Variants in NTM observed in about 807,000 individuals in gnomAD.
NTM encodes neurotrimin.
Under a neutral mutation model 42.1 loss-of-function variants are expected in NTM, and 13 were observed. That is an observed-to-expected ratio of 0.31 (90% CI 0.20 to 0.49). The LOEUF is 0.49. Among genes scored for constraint, NTM ranks in the 20% least tolerant of loss-of-function variants. NTM has a pLI of 0.99. For missense variants in NTM, 373 were observed against 452.8 expected, an observed-to-expected ratio of 0.82 and a Z score of 1.60; for synonymous variants, 187 against 179.2, an observed-to-expected ratio of 1.04 and a Z score of -0.35.
Position 132,002,509 on chromosome 11 carries a change from C to G in NTM, c.167+90861C>G, listed in dbSNP as rs1488063714. On this transcript the variant is annotated intron_variant, in intron 2 of 8. Transcript: ENST00000683400. This position sits in a 1 kb window ranked among gnomAD's most constrained non-coding sequence, Gnocchi z 4.5. ...TCATCATAAGCAAATACAATTACTA[C>G]TCTGCAAATACTATGTAGAAGAATG... Among the ~76,000 whole-genome samples, 2 of 152,182 alleles carry G rather than the reference C, an allele frequency of 1.3e-5. No homozygotes were observed. The highest frequency in any genetic ancestry group is 3.8e-4 in the East Asian group (2 of 5,200).
intron 1 of NTM, among the ~76,000 whole-genome samples, chr11:131,380,872 A>G (rs1258973759): frequency 6.6e-6 from 1 of 152,230 alleles, no homozygotes; most frequent in Admixed American, 6.5e-5. Flanking sequence ...GCCTGACCTC[A>G]GAACTTACCC....
chr11:132,150,055 GC>G lies in NTM; in HGVS notation c.400+3543del. On this transcript the variant is annotated intron_variant, in intron 3 of 8. Coordinates refer to ENST00000683400, the MANE Select transcript of NTM (RefSeq NM_001352005.2). ...GGTTTATTTGGCTCATGGTTCTGCAGCCTGTACAAGCACAGCACCAACATTT... is the reference window on the plus strand; with the variant it reads ...GGTTTATTTGGCTCATGGTTCTGCAGCTGTACAAGCACAGCACCAACATTT... Among the ~76,000 whole-genome samples the G allele has an allele frequency of 2.0e-5, 3 of 152,274 alleles. No individual in the cohort carries two copies. The East Asian group carries it at 5.8e-4, about 29-fold the overall frequency.
intron 1 of NTM, chr11:131,911,317 G>C: frequency 4.1e-6 from 6 of 1,454,714 alleles, no homozygotes; most frequent in South Asian, 1.4e-5. Context: ...AGGAATATTA[G>C]ACTCGGAGGA....
intron 1 of NTM, among the ~76,000 whole-genome samples, chr11:131,593,889 G>A (rs1372098106): frequency 6.6e-6 from 1 of 152,132 alleles, no homozygotes; most frequent in Non-Finnish European, 1.5e-5. Context: ...TGAAAGCAAG[G>A]CCTGTATTTC....
intron 2 of NTM, among the ~76,000 whole-genome samples, chr11:132,062,716 T>C (rs1274598999): frequency 6.6e-6 from 1 of 152,340 alleles, no homozygotes; most frequent in South Asian, 2.1e-4. Context: ...ATTAGCTCTT[T>C]GGAATAGTTA....
intron 1 of NTM, among the ~76,000 whole-genome samples, chr11:131,550,553 C>A (rs1211474733): frequency 6.6e-6 from 1 of 152,188 alleles, no homozygotes; most frequent in African/African-American, 2.4e-5. Context: ...GCAAGACCTG[C>A]CTTCTTCCCC....
intron 2 of NTM, among the ~76,000 whole-genome samples, chr11:131,970,190 C>A (rs1328808025): frequency 6.6e-6 from 1 of 152,194 alleles, no homozygotes; most frequent in Admixed American, 6.5e-5. Flanking sequence ...TCATAATTGT[C>A]CTCATGCATC....
At chr11:131,812,506 CT>C (rs2092779476) in intron 1 of NTM, among the ~76,000 whole-genome samples, 1 of 151,880 alleles carries the variant, frequency 6.6e-6, no homozygotes. Flanking sequence ...CTCCTTTTTC[CT>C]TTCCTCCTCC....
At chr11:131,828,639 C>G (rs561544762) in intron 1 of NTM, among the ~76,000 whole-genome samples, 2 of 152,072 alleles carry the variant, frequency 1.3e-5, no homozygotes, top group African/African-American at 4.8e-5. Context: ...ACTACCATCA[C>G]TACCACCACC....
chr11:131,944,125 T>C (rs976122655), intron 2 of NTM, among the ~76,000 whole-genome samples: 9 of 152,192 alleles, frequency 5.9e-5, no homozygotes, highest in African/African-American at 2.2e-4. Context: ...GTGACACTGA[T>C]ATGCTTTTGG....
At chr11:132,159,467 G>A (rs533953329) in intron 3 of NTM, among the ~76,000 whole-genome samples, 7 of 152,290 alleles carry the variant, frequency 4.6e-5, no homozygotes, top group Non-Finnish European at 7.3e-5. Context: ...TGGGAATATC[G>A]CCTTTGGATT....
chr11:131,994,008 A>AG, intron 2 of NTM, among the ~76,000 whole-genome samples: 1 of 131,090 alleles, frequency 7.6e-6, no homozygotes, highest in Non-Finnish European at 1.6e-5. Context: ...CATCTCCAAA[A>AG]AAAAAAAAAA....
intron 2 of NTM, among the ~76,000 whole-genome samples, chr11:131,998,013 C>T (rs575344501): frequency 1.6e-4 from 25 of 152,166 alleles, no homozygotes; most frequent in Admixed American, 1.5e-3. Flanking sequence ...CCCACCTTTG[C>T]TCAAGGCAAC....
chr11:132,228,305 G>C (rs1566526609), intron 4 of NTM, among the ~76,000 whole-genome samples: 2 of 152,142 alleles, frequency 1.3e-5, no homozygotes, highest in Non-Finnish European at 2.9e-5. Context: ...ACATCAAGGG[G>C]GCAGAGGAAG....
intron 4 of NTM, among the ~76,000 whole-genome samples, chr11:132,256,121 C>T (rs1185388915): frequency 2.0e-5 from 3 of 152,148 alleles, no homozygotes; most frequent in Non-Finnish European, 2.9e-5. Context: ...AGGGTGGGCT[C>T]CTAGGAAGCA....
At chr11:131,393,298 C>T (rs886691977) in intron 1 of NTM, among the ~76,000 whole-genome samples, 2 of 152,172 alleles carry the variant, frequency 1.3e-5, no homozygotes, top group Admixed American at 1.3e-4. Flanking sequence ...CCCACCTCCC[C>T]ACACATGGGC....
At position 131,878,907 on chromosome 11, in the gene NTM, G is replaced by T. The variant is rs571206041; in HGVS notation, c.83-32657G>T. ...GTTCCCACCACCCCTAAATACTCCAGTGTTCACCTCCCCGGAGTAACGGCT... is the reference window on the plus strand; with the variant it reads ...GTTCCCACCACCCCTAAATACTCCATTGTTCACCTCCCCGGAGTAACGGCT... On this transcript the variant is annotated intron_variant, in intron 1 of 8. Transcript: ENST00000683400. Among the ~76,000 whole-genome samples, 4 of 152,026 alleles carry T rather than the reference G, an allele frequency of 2.6e-5. No individual in the cohort carries two copies. The East Asian group carries it at 7.8e-4, about 30-fold the overall frequency.
intron 2 of NTM, among the ~76,000 whole-genome samples, chr11:132,092,338 G>C: frequency 6.6e-6 from 1 of 152,064 alleles, no homozygotes; most frequent in Admixed American, 6.6e-5. Flanking sequence ...CCTGGCCTCT[G>C]TCCTGCCACT....
At chr11:131,855,339 T>C (rs1025694846) in intron 1 of NTM, among the ~76,000 whole-genome samples, 1 of 152,164 alleles carries the variant, frequency 6.6e-6, no homozygotes, top group Non-Finnish European at 1.5e-5. Context: ...TGATATTAAT[T>C]TAAATGAAAG....
Sources: allele counts gnomAD v4.1 joint callset (sites outside exome capture counted in the v4.1 genomes callset), GRCh38; gene constraint gnomAD v4.1.1; non-coding constraint Gnocchi (gnomAD v3.1); transcripts MANE v1.5; gene names NCBI Gene and HGNC (gene_info 2026-07-23, HGNC 2026-07-21).